Variants in PAQR4 observed in about 807,000 individuals in gnomAD.
PAQR4 encodes progestin and adipoQ receptor family member IV.
In PAQR4, 26 loss-of-function variants were observed where a neutral mutation model predicts 20.9. That is an observed-to-expected ratio of 1.24 (90% CI 0.91 to 1.73). The LOEUF (loss-of-function observed/expected upper bound fraction) is 1.73. PAQR4 is among the 40% of genes most tolerant of loss of function. The pLI is 0.00. For missense variants in PAQR4, 400 were observed against 380.1 expected, an observed-to-expected ratio of 1.05 and a Z score of -0.44; for synonymous variants, 193 against 171.6, an observed-to-expected ratio of 1.12 and a Z score of -0.97.
Position 2,972,822 on chromosome 16 carries a change from G to C in PAQR4, c.*874G>C. 6.5e-7 allele frequency: 1 copy of C among 1,537,424 alleles called. No homozygotes were observed. The highest frequency in any genetic ancestry group is 8.8e-7 in the Non-Finnish European group (1 of 1,138,802). On this transcript the variant is annotated 3_prime_UTR_variant, in exon 3 of 3. Coordinates refer to ENST00000318782, the MANE Select transcript of PAQR4 (RefSeq NM_152341.5). ...CATGAGCAAGCTTGGGTGCTCCCAAGGTTCAAATACTTTTTATTAGACACG... is the reference window on the plus strand; with the variant it reads ...CATGAGCAAGCTTGGGTGCTCCCAACGTTCAAATACTTTTTATTAGACACG...
intron 1 of PAQR4, 104 bp from the exon 2 acceptor site, chr16:2,971,053 G>A: frequency 8.5e-7 from 1 of 1,179,742 alleles, no homozygotes; most frequent in Middle Eastern, 2.0e-4. Context: ...CTGGATGACA[G>A]CATTACCTGG....
At position 2,971,436 on chromosome 16, in the gene PAQR4, C is replaced by T. The variant is rs563805596; in HGVS notation, c.388+58C>T. 81 of 1,582,364 alleles carry T rather than the reference C, an allele frequency of 5.1e-5. 1 individual carries two copies. Among genetic ancestry groups the T allele is most frequent in the Middle Eastern group, 1.7e-4 (1 of 5,992 alleles). ...CCACCGGCGGGAGAGGCATGGGGCA[C>T]GCATACAAGCCATGGGTAGGGAAGG... On this transcript the variant is annotated intron_variant, in intron 2 of 2. Transcript: ENST00000318782.
At chr16:2,971,019 C>A (rs1451511782) in intron 1 of PAQR4, 138 bp from the exon 2 acceptor site, 2 of 825,500 alleles carry the variant, frequency 2.4e-6, no homozygotes, top group East Asian at 2.6e-5. Flanking sequence ...CAGGGCCTGT[C>A]TCTGGCCAAG....
Position 2,972,782 on chromosome 16 carries a change from A to G in PAQR4, c.*834A>G. ...GGATGACATCAATAAAGGGACAGGAAGGGCCATGTTGCCACATGAGCAAGC... is the reference window on the plus strand; with the variant it reads ...GGATGACATCAATAAAGGGACAGGAGGGGCCATGTTGCCACATGAGCAAGC... On this transcript the variant is annotated 3_prime_UTR_variant, in exon 3 of 3. Coordinates refer to ENST00000318782, the MANE Select transcript of PAQR4 (RefSeq NM_152341.5). 1.9e-6 allele frequency: 3 copies of G among 1,540,558 alleles called. No homozygotes were observed. Among genetic ancestry groups the G allele is most frequent in the Non-Finnish European group, 2.6e-6 (3 of 1,144,724 alleles).
Position 2,973,470 on chromosome 16 carries a change from T to A in PAQR4, c.*1522T>A. 6.7e-7 allele frequency: 1 copy of A among 1,503,316 alleles called. No homozygotes were observed. The highest frequency in any genetic ancestry group is 8.9e-7 in the Non-Finnish European group (1 of 1,126,890). 93.1% of individuals were successfully genotyped at this position (1,503,316 alleles called of 1,614,324 possible). On this transcript the variant is annotated 3_prime_UTR_variant, in exon 3 of 3. Coordinates refer to ENST00000318782, the MANE Select transcript of PAQR4 (RefSeq NM_152341.5). ...ACTTGGAGGCAGATTTGAAATAAAC[T>A]TTTAGTAAATGTAAGCCTTTCTGGA...
In PAQR4 at chr16:2,969,575, C is replaced by A; in HGVS notation, c.-100C>A. 2 of 1,296,562 alleles carry A rather than the reference C, an allele frequency of 1.5e-6. No individual in the cohort carries two copies. The highest frequency in any genetic ancestry group is 3.8e-5 in the South Asian group (2 of 52,688). 80.3% of individuals were successfully genotyped at this position (1,296,562 alleles called of 1,614,324 possible). A position where few individuals can be genotyped will look rare whatever the true frequency, so the allele number is the denominator to read the frequency against. Reference sequence around the variant, plus strand: ...CGCAGGGCGATGGGTGGGCGCCGGGCGCCGGGCGCCAGGCAGTGATGGGCC... The same window carrying A: ...CGCAGGGCGATGGGTGGGCGCCGGGAGCCGGGCGCCAGGCAGTGATGGGCC... On this transcript the variant is annotated 5_prime_UTR_variant, in exon 1 of 3. Transcript: ENST00000318782.
In PAQR4 at chr16:2,972,896, G is replaced by T; in HGVS notation, c.*948G>T. ...GTTCCCGAGGGGCCCCAGCTTTCAAGGGCGACGGGAGAGACACAGGATAAA... is the reference window on the plus strand; with the variant it reads ...GTTCCCGAGGGGCCCCAGCTTTCAATGGCGACGGGAGAGACACAGGATAAA... On this transcript the variant is annotated 3_prime_UTR_variant, in exon 3 of 3. Coordinates refer to ENST00000318782, the MANE Select transcript of PAQR4 (RefSeq NM_152341.5). 6.5e-7 allele frequency: 1 copy of T among 1,550,344 alleles called. No individual in the cohort carries two copies. Among genetic ancestry groups the T allele is most frequent in the Non-Finnish European group, 8.7e-7 (1 of 1,143,138 alleles).
chr16:2,971,011 GGGCC>G (rs1367646269), intron 1 of PAQR4, 142 bp from the exon 2 acceptor site: 1 of 744,810 alleles, frequency 1.3e-6, no homozygotes, highest in Non-Finnish European at 2.2e-6. Flanking sequence ...CTTTTGCCCA[GGGCC>G]TGTCTCTGGC....
chr16:2,971,692 G>A lies in PAQR4; in HGVS notation c.566G>A (p.Gly189Glu), dbSNP rs1413223978. ...GCTGCTGCCCGCCTACTGGTATTTG[G>A]GGCCCGGGGAGTGGGTCTGGGTTCA... ...WQAAARLLVF[G>E]ARGVGLGSGA... Residue 189 changes from glycine (G) to glutamate (E), a missense_variant, in exon 3 of 3, where the codon GGG becomes GAG. Coordinates refer to ENST00000318782, the MANE Select transcript of PAQR4 (RefSeq NM_152341.5). 4 of 1,612,218 alleles carry A rather than the reference G, an allele frequency of 2.5e-6. No individual in the cohort carries two copies. Among genetic ancestry groups the A allele is most frequent in the East Asian group, 2.2e-5 (1 of 44,884 alleles).
At chr16:2,970,034 G>A in intron 1 of PAQR4, 194 bp downstream of exon 1, 2 of 752,728 alleles carry the variant, frequency 2.7e-6, no homozygotes, top group Non-Finnish European at 2.1e-6. Context: ...CCGGCGGGTG[G>A]GGGCCGGGTC....
chr16:2,970,972 A>C, intron 1 of PAQR4, 185 bp from the exon 2 acceptor site: 1 of 620,544 alleles, frequency 1.6e-6, no homozygotes. Context: ...GACCATCCTG[A>C]GCCATGATAA....
At position 2,972,567 on chromosome 16, in the gene PAQR4, C is replaced by T. The variant is rs1567380634; in HGVS notation, c.*619C>T. On this transcript the variant is annotated 3_prime_UTR_variant, in exon 3 of 3. Coordinates refer to ENST00000318782, the MANE Select transcript of PAQR4 (RefSeq NM_152341.5). ...ACAGGGAGCTCAGCGGCCTCAGATC[C>T]TGGGACCCCTGGGCCGTGCCTGCCC... The T allele has an allele frequency of 4.7e-6, 7 of 1,498,006 alleles. No individual in the cohort carries two copies. The highest frequency in any genetic ancestry group is 6.2e-6 in the Non-Finnish European group (7 of 1,124,324). 92.8% of individuals were successfully genotyped at this position (1,498,006 alleles called of 1,614,324 possible). A position where few individuals can be genotyped will look rare whatever the true frequency, so the allele number is the denominator to read the frequency against.
rs1369841925 is a variant in PAQR4, at chr16:2,969,604, C to T, written c.-71C>T. 1 of 1,381,536 alleles carries T rather than the reference C, an allele frequency of 7.2e-7. No homozygotes were observed. The highest frequency in any genetic ancestry group is 3.1e-5 in the East Asian group (1 of 32,776). 85.6% of individuals were successfully genotyped at this position (1,381,536 alleles called of 1,614,324 possible). A position where few individuals can be genotyped will look rare whatever the true frequency, so the allele number is the denominator to read the frequency against. ...GGGCGCCAGGCAGTGATGGGCCTTC[C>T]CGCGCTGCGGCCCCACTGAGGAGGA... is the stretch of plus-strand genomic sequence containing the variant. On this transcript the variant is annotated 5_prime_UTR_variant, in exon 1 of 3. Transcript: ENST00000318782.
Position 2,972,507 on chromosome 16 carries a change from A to G in PAQR4, c.*559A>G. On this transcript the variant is annotated 3_prime_UTR_variant, in exon 3 of 3. Transcript: ENST00000318782. ...CGTCTTGTACCAGCTGGCCACAGGC[A>G]CAAGGGCTGCAGCTGCTTCTTCCAG... The G allele has an allele frequency of 2.7e-6, 3 of 1,093,968 alleles. No individual in the cohort carries two copies. In the South Asian group the frequency reaches 4.7e-5, roughly 17 times the overall value. 67.8% of individuals were successfully genotyped at this position (1,093,968 alleles called of 1,614,324 possible). A position where few individuals can be genotyped will look rare whatever the true frequency, so the allele number is the denominator to read the frequency against.
intron 1 of PAQR4, among the ~76,000 whole-genome samples, chr16:2,970,715 A>G (rs1036663412): frequency 6.6e-6 from 1 of 152,238 alleles, no homozygotes; most frequent in Admixed American, 6.5e-5. Flanking sequence ...TGGGTTGGGA[A>G]GAGCAAGCCA....
chr16:2,971,145 C>A lies in PAQR4; in HGVS notation c.167-12C>A, dbSNP rs1406048942. On this transcript the variant is annotated splice_polypyrimidine_tract_variant and intron_variant, in intron 1 of 2. Coordinates refer to ENST00000318782, the MANE Select transcript of PAQR4 (RefSeq NM_152341.5). Reference sequence around the variant, plus strand: ...CTGAAACTATCTGGTAGATGACTGTCTCCCTCCCTAGGGCTGGCCCTGCTG... The same window carrying A: ...CTGAAACTATCTGGTAGATGACTGTATCCCTCCCTAGGGCTGGCCCTGCTG... The A allele has an allele frequency of 6.2e-7, 1 of 1,612,024 alleles. No homozygotes were observed. The highest frequency in any genetic ancestry group is 8.5e-7 in the Non-Finnish European group (1 of 1,179,096).
chr16:2,970,837 A>T, intron 1 of PAQR4: 4 of 519,094 alleles, frequency 7.7e-6, no homozygotes, highest in Non-Finnish European at 1.4e-5. Flanking sequence ...GCAGTGTGGG[A>T]GTGGGACGGC....
intron 1 of PAQR4, among the ~76,000 whole-genome samples, chr16:2,970,428 A>G (rs2071954063): frequency 6.6e-6 from 1 of 152,204 alleles, no homozygotes; most frequent in Non-Finnish European, 1.5e-5. Flanking sequence ...AGCTTTTGCC[A>G]GGCCACATTC....
In PAQR4 at chr16:2,972,902, C is replaced by T. The variant is rs530854797; in HGVS notation, c.*954C>T. The stretch of plus-strand genomic sequence containing the variant: ...GAGGGGCCCCAGCTTTCAAGGGCGA[C>T]GGGAGAGACACAGGATAAAAGGTTA... On this transcript the variant is annotated 3_prime_UTR_variant, in exon 3 of 3. Transcript: ENST00000318782. 4.4e-5 allele frequency: 68 copies of T among 1,556,226 alleles called. No individual in the cohort carries two copies. The East Asian group carries it at 6.5e-4, about 15-fold the overall frequency.
Sources: allele counts gnomAD v4.1 joint callset (sites outside exome capture counted in the v4.1 genomes callset), GRCh38; gene constraint gnomAD v4.1.1; transcripts MANE v1.5; gene names NCBI Gene and HGNC (gene_info 2026-07-23, HGNC 2026-07-21).